Variants in IQSEC1 observed in about 807,000 individuals in gnomAD.
The protein encoded by IQSEC1 is IQ motif and Sec7 domain ArfGEF 1.
A neutral mutation model predicts 91.0 loss-of-function variants in IQSEC1; 31 were observed. The observed-to-expected ratio is 0.34, with a 90% CI of 0.26 to 0.46. IQSEC1 has a LOEUF of 0.46. Among genes scored for constraint, IQSEC1 ranks in the 20% least tolerant of loss-of-function variants. IQSEC1 has a pLI of 1.00. For synonymous variants in IQSEC1, 699 were observed against 662.6 expected (o/e 1.05, Z -0.84); for missense variants, 1,388 against 1,575.6 (o/e 0.88, Z 2.02).
rs1414982059 is a variant in IQSEC1 at position 12,942,610 on chromosome 3, AAAAAG to A, written c.24-750_24-746del. On this transcript the variant is annotated intron_variant, in intron 1 of 13. Coordinates refer to ENST00000613206, the MANE Select transcript of IQSEC1 (RefSeq NM_001134382.3). ...AGAGCAAGACTCCGTCTCTAAAAAA[AAAAAG>A]AAAAGCCCCAATAATTAACAAAAGC... Among the ~76,000 whole-genome samples the A allele has an allele frequency of 4.6e-5, 7 of 152,172 alleles. No homozygotes were observed. The East Asian group carries it at 9.6e-4, about 21-fold the overall frequency.
intron 1 of IQSEC1, among the ~76,000 whole-genome samples, chr3:12,998,775 C>A (rs1702314474): frequency 6.6e-6 from 1 of 151,920 alleles, no homozygotes; most frequent in Non-Finnish European, 1.5e-5. Flanking sequence ...GGGGAAGGTT[C>A]TGGGTGATGA....
chr3:13,058,664 G>C (rs1704960292), intron 1 of IQSEC1, among the ~76,000 whole-genome samples: 1 of 152,178 alleles, frequency 6.6e-6, no homozygotes, highest in Non-Finnish European at 1.5e-5. Context: ...TGGGTACAAG[G>C]GTGTGCTGGT....
At chr3:13,106,327 C>T (rs1158158000) in intron 2 of IQSEC1, among the ~76,000 whole-genome samples, 2 of 152,218 alleles carry the variant, frequency 1.3e-5, no homozygotes, top group Non-Finnish European at 2.9e-5. Context: ...TCAGCCACTG[C>T]CTGCTTGGCA....
intron 1 of IQSEC1, among the ~76,000 whole-genome samples, chr3:12,978,347 C>T (rs1701284897): frequency 6.6e-6 from 1 of 152,176 alleles, no homozygotes; most frequent in Non-Finnish European, 1.5e-5. Flanking sequence ...AGCTGGGAAT[C>T]ATTTGAAATG....
At chr3:13,001,172 G>A (rs1026546224) in intron 1 of IQSEC1, among the ~76,000 whole-genome samples, 14 of 151,830 alleles carry the variant, frequency 9.2e-5, no homozygotes, top group African/African-American at 3.4e-4. Flanking sequence ...TGTTGGCCAG[G>A]CTGGTCTCGA....
Position 12,901,302 on chromosome 3 carries a change from G to A in IQSEC1, c.3026C>T (p.Ala1009Val). The A allele has an allele frequency of 2.0e-6, 3 of 1,512,796 alleles. No individual in the cohort carries two copies. The highest frequency in any genetic ancestry group is 1.8e-6 in the Non-Finnish European group (2 of 1,127,804). The allele number at this position is 1,512,796 out of a possible 1,614,324, so 93.7% of individuals were successfully genotyped here. A position where few individuals can be genotyped will look rare whatever the true frequency, so the allele number is the denominator to read the frequency against. ...CTCTGGGGGCCCCAGGTGGTGGCCA[G>A]CCACAGAGTGCTGCAAGTGAGGCAG... ...VVLPHLQHSV[A>V]GHHLGPPEGL... Residue 1009 changes from alanine (A) to valine (V), a missense_variant, in exon 14 of 14, where the codon GCT (alanine) becomes GTT (valine). Physicochemically the swap from Ala to Val is moderately conservative, Grantham distance 64. This residue lies in a region of IQSEC1 where 329 missense variants were observed against 257.8 expected (regional missense o/e 1.28). Coordinates refer to ENST00000613206, the MANE Select transcript of IQSEC1 (RefSeq NM_001134382.3).
chr3:13,078,502 T>TG (rs929996454), intron 2 of IQSEC1, among the ~76,000 whole-genome samples: 5 of 151,946 alleles, frequency 3.3e-5, no homozygotes, highest in Non-Finnish European at 4.4e-5. Flanking sequence ...CAGTGTAGCC[T>TG]GGGGGGGAAG....
At chr3:13,171,430 C>T (rs1693609379) in intron 1 of IQSEC1, among the ~76,000 whole-genome samples, 1 of 152,188 alleles carries the variant, frequency 6.6e-6, no homozygotes, top group South Asian at 2.1e-4. Context: ...TGAGTTCTTT[C>T]TCTAAAGGAT....
intron 1 of IQSEC1, among the ~76,000 whole-genome samples, chr3:13,189,871 C>T (rs1410263902): frequency 6.6e-6 from 1 of 152,242 alleles, no homozygotes; most frequent in Non-Finnish European, 1.5e-5. Context: ...CTCTGCTCAT[C>T]TGTGACTCAT....
chr3:13,167,332 A>G (rs1337136334), intron 1 of IQSEC1, among the ~76,000 whole-genome samples: 1 of 152,146 alleles, frequency 6.6e-6, no homozygotes, highest in Non-Finnish European at 1.5e-5. Context: ...GGGGGCTAAC[A>G]ATGGCTGTTA....
Position 12,909,173 on chromosome 3 carries a change from T to G in IQSEC1, c.2578+100A>C. 2 of 1,271,218 alleles carry G rather than the reference T, an allele frequency of 1.6e-6. No homozygotes were observed. Among genetic ancestry groups the G allele is most frequent in the East Asian group, 4.7e-5 (2 of 43,010 alleles). 78.7% of individuals were successfully genotyped at this position (1,271,218 alleles called of 1,614,324 possible). ...GAAGGCCAGAAAAGACTGGGGGACA[T>G]CTTGTCTCTGTGAGCTCAGAAGTCA... On this transcript the variant is annotated intron_variant, in intron 11 of 13. Transcript: ENST00000613206. The surrounding 1 kb of genome is among the most constrained non-coding windows in gnomAD (Gnocchi z 4.9).
At chr3:13,029,367 T>C (rs143979693) in intron 1 of IQSEC1, among the ~76,000 whole-genome samples, 165 of 152,336 alleles carry the variant, frequency 1.1e-3, no homozygotes, top group African/African-American at 3.7e-3. Context: ...CCAGGGTTAA[T>C]ACAGATAGAA....
At chr3:12,902,646 A>G in intron 13 of IQSEC1, 127 bp downstream of exon 13, 1 of 619,692 alleles carries the variant, frequency 1.6e-6, no homozygotes, top group East Asian at 3.2e-5. Flanking sequence ...GAAAAGCCAA[A>G]AAAAAAAACA....
At chr3:13,254,305 C>T (rs1172466936) in intron 1 of IQSEC1, among the ~76,000 whole-genome samples, 2 of 152,192 alleles carry the variant, frequency 1.3e-5, no homozygotes. Flanking sequence ...TGAGGCCTCG[C>T]TGGCCAGGAG....
chr3:13,150,260 T>C (rs1706971566), intron 2 of IQSEC1, among the ~76,000 whole-genome samples: 1 of 152,184 alleles, frequency 6.6e-6, no homozygotes, highest in African/African-American at 2.4e-5. Flanking sequence ...ATCTAAGAAA[T>C]TATACGGACA....
At chr3:13,106,309 C>T (rs950042221) in intron 2 of IQSEC1, among the ~76,000 whole-genome samples, 2 of 152,218 alleles carry the variant, frequency 1.3e-5, no homozygotes, top group Non-Finnish European at 2.9e-5. Context: ...CTCTACCTCC[C>T]CCAGGCCTCA....
At chr3:13,203,774 G>A (rs1467914530) in intron 1 of IQSEC1, among the ~76,000 whole-genome samples, 1 of 152,224 alleles carries the variant, frequency 6.6e-6, no homozygotes, top group East Asian at 1.9e-4. Context: ...CAGCCAGACT[G>A]AGTCACATGG....
chr3:13,071,143 G>GTTTTTT (rs1553563495), intron 1 of IQSEC1, among the ~76,000 whole-genome samples: 10 of 112,728 alleles, frequency 8.9e-5, no homozygotes, highest in South Asian at 6.3e-4. Flanking sequence ...GACCCACACA[G>GTTTTTT]TTTTTTTTTG....
chr3:12,986,755 C>A (rs1445417692), intron 1 of IQSEC1, among the ~76,000 whole-genome samples: 1 of 152,314 alleles, frequency 6.6e-6, no homozygotes, highest in Non-Finnish European at 1.5e-5. Context: ...GGAGCTGGGA[C>A]GAGAACCAGG....
Sources: gnomAD v4.1 joint callset for allele counts (sites outside exome capture counted in the v4.1 genomes callset) on GRCh38, gnomAD v4.1.1 for gene constraint, gnomAD v4.1.1 regional missense constraint, Gnocchi (gnomAD v3.1) non-coding constraint, MANE v1.5 for transcripts, NCBI Gene and HGNC (gene_info 2026-07-23, HGNC 2026-07-21) for gene names.